ASTN2: variants seen among roughly 807,000 people sequenced by gnomAD.
ASTN2 encodes astrotactin 2.
A neutral mutation model predicts 139.8 loss-of-function variants in ASTN2; 54 were observed. That is an observed-to-expected ratio of 0.39 (90% CI 0.31 to 0.48). The LOEUF (loss-of-function observed/expected upper bound fraction) is 0.48. ASTN2 is among the 20% of genes least tolerant of loss of function. The pLI is 0.95. For missense variants in ASTN2, 1,565 were observed against 1,725.1 expected (o/e 0.91, Z 1.64); for synonymous variants, 756 against 719.5 (o/e 1.05, Z -0.81).
At chr9:117,277,063 G>C (rs1212944139) in intron 2 of ASTN2, 1 of 152,206 alleles carries the variant, frequency 6.6e-6, no homozygotes, top group Admixed American at 6.5e-5. Flanking sequence ...GTCTGGCAAG[G>C]GAGGTGTCCT....
intron 3 of ASTN2, among the ~76,000 whole-genome samples, chr9:117,177,484 GT>G (rs1830945888): frequency 6.6e-6 from 1 of 152,166 alleles, no homozygotes; most frequent in Admixed American, 6.5e-5. Context: ...GTCCAGGTGT[GT>G]CTGGGACCTT....
intron 19 of ASTN2, chr9:116,562,377 A>C (rs1250450496): frequency 6.9e-6 from 1 of 144,772 alleles, no homozygotes; most frequent in African/African-American, 2.6e-5. Context: ...CACTGGACTA[A>C]TGTTCTCCTG....
At chr9:117,144,329 G>A (rs1830141645) in intron 3 of ASTN2, among the ~76,000 whole-genome samples, 1 of 152,132 alleles carries the variant, frequency 6.6e-6, no homozygotes, top group Non-Finnish European at 1.5e-5. Context: ...CCGAAAATCT[G>A]AAATCCGAAA....
chr9:117,186,278 G>A (rs1193424765), intron 3 of ASTN2, among the ~76,000 whole-genome samples: 1 of 152,164 alleles, frequency 6.6e-6, no homozygotes, highest in East Asian at 1.9e-4. Flanking sequence ...CGGGCGCGGT[G>A]GCCCACGCCT....
intron 11 of ASTN2, among the ~76,000 whole-genome samples, chr9:116,838,589 ATTTTTTT>A (rs34871450): frequency 7.7e-6 from 1 of 130,142 alleles, no homozygotes; most frequent in Non-Finnish European, 1.6e-5. Context: ...ATGCCCAGCA[ATTTTTTT>A]TTTTTTTTTT....
chr9:116,474,042 C>T (rs1360108051), intron 20 of ASTN2, among the ~76,000 whole-genome samples: 1 of 152,106 alleles, frequency 6.6e-6, no homozygotes, highest in Non-Finnish European at 1.5e-5. Flanking sequence ...ATGGCAATAC[C>T]CTCACTGTAC....
At chr9:117,214,137 C>T (rs1412910083) in intron 3 of ASTN2, among the ~76,000 whole-genome samples, 1 of 152,180 alleles carries the variant, frequency 6.6e-6, no homozygotes, top group African/African-American at 2.4e-5. Context: ...AGGCTCCTCA[C>T]AACTCCAATT....
At chr9:116,672,226 C>A (rs990311869) in intron 16 of ASTN2, among the ~76,000 whole-genome samples, 3 of 151,880 alleles carry the variant, frequency 2.0e-5, no homozygotes, top group Non-Finnish European at 4.4e-5. Flanking sequence ...ATTACCTAGG[C>A]ATGGTGGCAT....
chr9:116,833,991 C>T (rs1486088474), intron 11 of ASTN2, among the ~76,000 whole-genome samples: 1 of 152,136 alleles, frequency 6.6e-6, no homozygotes, highest in Admixed American at 6.5e-5. Flanking sequence ...AACGAATTAG[C>T]CAGCACCTCA....
At chr9:116,431,414 G>A (rs1847492708) in intron 22 of ASTN2, among the ~76,000 whole-genome samples, 1 of 152,144 alleles carries the variant, frequency 6.6e-6, no homozygotes, top group Non-Finnish European at 1.5e-5. Flanking sequence ...AGTGGAGAGG[G>A]CAGAGGTTAA....
chr9:116,713,348 G>T (rs1485235576), intron 16 of ASTN2, among the ~76,000 whole-genome samples: 1 of 152,080 alleles, frequency 6.6e-6, no homozygotes, highest in Non-Finnish European at 1.5e-5. Context: ...AGGAAAGCCT[G>T]GGGCCTAGGG....
At chr9:116,686,590 C>T (rs1351391409) in intron 16 of ASTN2, 1 of 1,155,116 alleles carries the variant, frequency 8.7e-7, no homozygotes. Flanking sequence ...TGCCAGATGC[C>T]TAGTGCCCCA....
intron 10 of ASTN2, among the ~76,000 whole-genome samples, chr9:116,974,149 C>A (rs995743654): frequency 2.6e-5 from 4 of 152,154 alleles, no homozygotes; most frequent in African/African-American, 9.7e-5. Flanking sequence ...CTACTCTATT[C>A]TTGGTAACAT....
chr9:117,190,267 T>C (rs542528367), intron 3 of ASTN2, among the ~76,000 whole-genome samples: 1 of 152,174 alleles, frequency 6.6e-6, no homozygotes, highest in South Asian at 2.1e-4. Context: ...AATTTATATA[T>C]ATTAACAACT....
intron 11 of ASTN2, among the ~76,000 whole-genome samples, chr9:116,854,015 G>T (rs1832676750): frequency 6.6e-6 from 1 of 152,144 alleles, no homozygotes; most frequent in Non-Finnish European, 1.5e-5. Flanking sequence ...ATATGAATTT[G>T]TCCTGGTTAA....
intron 13 of ASTN2, among the ~76,000 whole-genome samples, chr9:116,771,502 G>A (rs1368837248): frequency 6.6e-6 from 1 of 152,002 alleles, no homozygotes; most frequent in Non-Finnish European, 1.5e-5. Context: ...GTACCAAGAG[G>A]GTAGGAACAG....
intron 2 of ASTN2, among the ~76,000 whole-genome samples, chr9:117,221,827 C>A (rs1588100058): frequency 6.9e-6 from 1 of 144,624 alleles, no homozygotes; most frequent in African/African-American, 2.6e-5. Flanking sequence ...AGAAAATAGT[C>A]TAAGTCTTTA....
chr9:116,599,321 T>A (rs1174547261), intron 19 of ASTN2, among the ~76,000 whole-genome samples: 2 of 152,224 alleles, frequency 1.3e-5, no homozygotes, highest in Non-Finnish European at 2.9e-5. Flanking sequence ...AAAAACATTA[T>A]GTAGCCACTG....
At chr9:117,168,024 C>T (rs1322955944) in intron 3 of ASTN2, among the ~76,000 whole-genome samples, 2 of 152,110 alleles carry the variant, frequency 1.3e-5, no homozygotes, top group Admixed American at 6.6e-5. Flanking sequence ...AGACCATTTA[C>T]AGAGGCCACT....
Sources: allele counts gnomAD v4.1 joint callset (sites outside exome capture counted in the v4.1 genomes callset), GRCh38; gene constraint gnomAD v4.1.1; transcripts MANE v1.5; gene names NCBI Gene and HGNC (gene_info 2026-07-23, HGNC 2026-07-21).